Variants in MAN1C1 observed in about 807,000 individuals in gnomAD.
The protein encoded by MAN1C1 is mannosyl-oligosaccharide 1,2-alpha-mannosidase IC.
Under a neutral mutation model 71.5 loss-of-function variants are expected in MAN1C1, and 49 were observed. The ratio of observed to expected loss-of-function variants is 0.69; its 90% CI spans 0.54 to 0.87. The LOEUF (loss-of-function observed/expected upper bound fraction) is 0.87, where lower values mean the gene tolerates loss of function less well. MAN1C1 is among the 40% of genes least tolerant of loss of function. The pLI is 0.00. For synonymous variants in MAN1C1, 352 were observed against 343.7 expected, an observed-to-expected ratio of 1.02 and a Z score of -0.27; for missense variants, 743 against 835.0, an observed-to-expected ratio of 0.89 and a Z score of 1.36.
chr1:25,631,928 C>T lies in MAN1C1; in HGVS notation c.540+13591C>T, dbSNP rs115963346. On this transcript the variant is annotated intron_variant, in intron 1 of 11. Transcript: ENST00000374332. This position sits in a 1 kb window ranked among gnomAD's most constrained non-coding sequence, Gnocchi z 4.2. ...CTGGGACTACAGGTGCATGCCACTA[C>T]GCACGGCTAATTTTTGTATTTTTTG... 1.5e-3 allele frequency among the ~76,000 whole-genome samples: 226 copies of T among 152,252 alleles called. No individual in the cohort carries two copies. Among genetic ancestry groups the T allele is most frequent in the African/African-American group, 5.1e-3 (213 of 41,544 alleles).
intron 1 of MAN1C1, among the ~76,000 whole-genome samples, chr1:25,683,943 T>G (rs1047586045): frequency 6.6e-6 from 1 of 152,166 alleles, no homozygotes; most frequent in African/African-American, 2.4e-5. Flanking sequence ...GTTTTGTGCC[T>G]TCATTTCCTC....
At chr1:25,655,259 G>A (rs1327154484) in intron 1 of MAN1C1, among the ~76,000 whole-genome samples, 1 of 152,170 alleles carries the variant, frequency 6.6e-6, no homozygotes, top group Admixed American at 6.5e-5. Context: ...CGATCTCCAA[G>A]CTCCCTTGCT....
rs865776612 is a variant in MAN1C1, at chr1:25,738,916, C to T, written c.638-7752C>T. On this transcript the variant is annotated intron_variant, in intron 2 of 11. Coordinates refer to ENST00000374332, the MANE Select transcript of MAN1C1 (RefSeq NM_020379.4). ...GTGGCTCACACCTGTAATCCCAGTG[C>T]TTTGGGAGACTGAGATGGGAGGATC... Among the ~76,000 whole-genome samples, 11 of 152,106 alleles carry T rather than the reference C, an allele frequency of 7.2e-5. No individual in the cohort carries two copies. The South Asian group carries it at 1.7e-3, about 23-fold the overall frequency.
At position 25,758,726 on chromosome 1, in the gene MAN1C1, C is replaced by G; in HGVS notation, c.1047+17C>G. On this transcript the variant is annotated intron_variant, in intron 6 of 11. Transcript: ENST00000374332. The stretch of plus-strand genomic sequence containing the variant: ...GCTGAAAAGGCAAGTCTCCTCCCCA[C>G]CCTTCTTCCTGCGGAGCAGAGGGAT... The G allele has an allele frequency of 5.0e-6, 8 of 1,599,690 alleles. No individual in the cohort carries two copies. The highest frequency in any genetic ancestry group is 2.2e-5 in the South Asian group (2 of 90,772).
At chr1:25,714,540 A>G (rs191573046) in intron 2 of MAN1C1, among the ~76,000 whole-genome samples, 1 of 152,204 alleles carries the variant, frequency 6.6e-6, no homozygotes. Context: ...TGTGTTCTGC[A>G]TGAGCTTTTG....
At chr1:25,750,410 GA>G (rs1188102545) in intron 4 of MAN1C1, among the ~76,000 whole-genome samples, 1 of 147,850 alleles carries the variant, frequency 6.8e-6, no homozygotes, top group African/African-American at 2.4e-5. Flanking sequence ...TGTGAGGCTG[GA>G]CGCCCCCCTG....
chr1:25,744,837 G>T (rs2124333267), intron 2 of MAN1C1, among the ~76,000 whole-genome samples: 1 of 152,330 alleles, frequency 6.6e-6, no homozygotes, highest in Non-Finnish European at 1.5e-5. Context: ...GCAGACTCAA[G>T]TGGGCTCAAC....
At chr1:25,697,214 G>A (rs994723831) in intron 2 of MAN1C1, among the ~76,000 whole-genome samples, 3 of 151,932 alleles carry the variant, frequency 2.0e-5, no homozygotes, top group African/African-American at 7.3e-5. Flanking sequence ...CCAGCCCTAG[G>A]CAACCACTAA....
chr1:25,733,153 C>T (rs752730825), intron 2 of MAN1C1, among the ~76,000 whole-genome samples: 6 of 152,176 alleles, frequency 3.9e-5, no homozygotes, highest in Admixed American at 6.5e-5. Context: ...TGGGGAGCAT[C>T]TCCAGCTGCC....
intron 1 of MAN1C1, among the ~76,000 whole-genome samples, chr1:25,668,730 T>A (rs1572135572): frequency 6.6e-6 from 1 of 152,004 alleles, no homozygotes; most frequent in Non-Finnish European, 1.5e-5. Context: ...TAATTTTTTT[T>A]TGTATTTTTA....
At chr1:25,696,668 A>T (rs2046373885) in intron 2 of MAN1C1, among the ~76,000 whole-genome samples, 1 of 151,936 alleles carries the variant, frequency 6.6e-6, no homozygotes, top group Non-Finnish European at 1.5e-5. Context: ...TTAAATATAG[A>T]CAGGGTCTAG....
chr1:25,645,697 G>C (rs2045603226), intron 1 of MAN1C1: 1 of 152,210 alleles, frequency 6.6e-6, no homozygotes, highest in South Asian at 2.1e-4. Flanking sequence ...TGAAGGGAGA[G>C]TCATTTGGCA....
At chr1:25,681,512 C>T (rs1413093241) in intron 1 of MAN1C1, among the ~76,000 whole-genome samples, 1 of 152,184 alleles carries the variant, frequency 6.6e-6, no homozygotes, top group Admixed American at 6.5e-5. Context: ...AGACACAGGA[C>T]ACCACCTTTA....
intron 1 of MAN1C1, among the ~76,000 whole-genome samples, chr1:25,655,545 C>G (rs903330340): frequency 6.6e-6 from 1 of 152,144 alleles, no homozygotes; most frequent in Non-Finnish European, 1.5e-5. Context: ...GAAAACTGTT[C>G]TCAGGTTCTT....
At chr1:25,756,684 G>C (rs999058318) in intron 5 of MAN1C1, among the ~76,000 whole-genome samples, 2 of 152,078 alleles carry the variant, frequency 1.3e-5, no homozygotes, top group African/African-American at 2.4e-5. Context: ...GCTGTCTTAG[G>C]GTGGGAGGCC....
chr1:25,731,872 A>G (rs1198622237), intron 2 of MAN1C1, among the ~76,000 whole-genome samples: 7 of 152,054 alleles, frequency 4.6e-5, no homozygotes, highest in Non-Finnish European at 7.4e-5. Context: ...GCTCTGTTCT[A>G]TGTCAGGGTT....
intron 1 of MAN1C1, among the ~76,000 whole-genome samples, chr1:25,679,170 G>C (rs978246279): frequency 6.6e-6 from 1 of 152,190 alleles, no homozygotes; most frequent in African/African-American, 2.4e-5. Context: ...GGAGAAGCGG[G>C]CATGAGGGCT....
rs2047127724 is a variant in MAN1C1, at chr1:25,746,332, T to C, written c.638-336T>C. On this transcript the variant is annotated intron_variant, in intron 2 of 11. Coordinates refer to ENST00000374332, the MANE Select transcript of MAN1C1 (RefSeq NM_020379.4). The surrounding 1 kb of genome is among the most constrained non-coding windows in gnomAD (Gnocchi z 4.0). The stretch of plus-strand genomic sequence containing the variant: ...AAACAAACAAACAAAGATTTTTATA[T>C]GCCAAAGCAGAGAAAAGTGGGTGGC... 6.6e-6 allele frequency among the ~76,000 whole-genome samples: 1 copy of C among 152,186 alleles called. No individual in the cohort carries two copies. Among genetic ancestry groups the C allele is most frequent in the Admixed American group, 6.5e-5 (1 of 15,276 alleles).
chr1:25,719,207 G>A (rs1446452184), intron 2 of MAN1C1, among the ~76,000 whole-genome samples: 1 of 149,774 alleles, frequency 6.7e-6, no homozygotes, highest in African/African-American at 2.4e-5. Context: ...CGAGTAGCTG[G>A]GACTACAGGT....
Sources: allele counts gnomAD v4.1 joint callset (sites outside exome capture counted in the v4.1 genomes callset), GRCh38; gene constraint gnomAD v4.1.1; non-coding constraint Gnocchi (gnomAD v3.1); transcripts MANE v1.5; gene names NCBI Gene and HGNC (gene_info 2026-07-23, HGNC 2026-07-21).